The following ANKH variants were observed in gnomAD, a reference collection of about 807,000 sequenced individuals.
ANKH encodes mineralization regulator ANKH.
A neutral mutation model predicts 49.0 loss-of-function variants in ANKH; 15 were observed. The ratio of observed to expected loss-of-function variants is 0.31; its 90% CI spans 0.20 to 0.47. ANKH has a LOEUF of 0.47. ANKH is among the 20% of genes least tolerant of loss of function. The pLI is 1.00. For synonymous variants in ANKH, 273 were observed against 260.0 expected (o/e 1.05, Z -0.48); for missense variants, 429 against 652.0 (o/e 0.66, Z 3.72).
chr5:14,768,645 C>G (rs1161963053), intron 2 of ANKH: 8 of 390,552 alleles, frequency 2.0e-5, no homozygotes, highest in Non-Finnish European at 3.3e-5. Context: ...ATTTAATGAC[C>G]CAGTACAATG....
intron 1 of ANKH, among the ~76,000 whole-genome samples, chr5:14,839,771 T>G (rs551832724): frequency 6.6e-6 from 1 of 152,208 alleles, no homozygotes; most frequent in East Asian, 1.9e-4. Flanking sequence ...AATTTTGCAC[T>G]GTAAATAAGA....
Position 14,799,620 on chromosome 5 carries a change from C to T in ANKH, c.97-30429G>A, listed in dbSNP as rs113356880. 3.2e-4 allele frequency among the ~76,000 whole-genome samples: 48 copies of T among 152,300 alleles called. 1 individual carries two copies. Among genetic ancestry groups the T allele is most frequent in the African/African-American group, 1.1e-3 (46 of 41,578 alleles). On this transcript the variant is annotated intron_variant, in intron 1 of 11. Transcript: ENST00000284268. ...TGCTGAGTTTACTCTGCCTGTGTTACAGCAAAGCCCGGATGACAGCACATC... is the reference window on the plus strand; with the variant it reads ...TGCTGAGTTTACTCTGCCTGTGTTATAGCAAAGCCCGGATGACAGCACATC...
intron 1 of ANKH, among the ~76,000 whole-genome samples, chr5:14,845,371 T>A (rs111725511): frequency 0.032 from 1,460 of 45,978 alleles, 13 homozygotes; most frequent in African/African-American, 0.068. Context: ...TATATATTTT[T>A]TTTTTTACCT....
chr5:14,852,879 C>A (rs939178400), intron 1 of ANKH, among the ~76,000 whole-genome samples: 21 of 152,238 alleles, frequency 1.4e-4, no homozygotes, highest in African/African-American at 4.8e-4. Flanking sequence ...TGCAGAAGAT[C>A]TAGCCTCACC....
intron 1 of ANKH, among the ~76,000 whole-genome samples, chr5:14,781,042 G>A (rs1026856140): frequency 6.6e-6 from 1 of 152,222 alleles, no homozygotes; most frequent in African/African-American, 2.4e-5. Flanking sequence ...TGGAGAATCA[G>A]CAATTTCGGA....
intron 6 of ANKH, among the ~76,000 whole-genome samples, chr5:14,748,433 C>A (rs879903050): frequency 1.2e-4 from 18 of 152,206 alleles, no homozygotes; most frequent in Admixed American, 1.1e-3. Flanking sequence ...TCGTGGGCAG[C>A]CATGAGCCTT....
intron 1 of ANKH, among the ~76,000 whole-genome samples, chr5:14,787,432 TG>T (rs1420851970): frequency 6.6e-6 from 1 of 152,096 alleles, no homozygotes; most frequent in African/African-American, 2.4e-5. Context: ...CTAAAAAATG[TG>T]TGAGTATATT....
At chr5:14,746,787 A>G (rs1025828257) in intron 6 of ANKH, among the ~76,000 whole-genome samples, 1 of 152,224 alleles carries the variant, frequency 6.6e-6, no homozygotes, top group African/African-American at 2.4e-5. Flanking sequence ...AGATGGAGTC[A>G]GTTAAGTTAG....
intron 9 of ANKH, among the ~76,000 whole-genome samples, chr5:14,714,839 A>G (rs1361174436): frequency 1.3e-5 from 2 of 152,230 alleles, no homozygotes; most frequent in African/African-American, 4.8e-5. Flanking sequence ...GGTGAATCAC[A>G]TACTCAGCTA....
At chr5:14,845,360 A>G (rs1368277837) in intron 1 of ANKH, among the ~76,000 whole-genome samples, 1 of 114,486 alleles carries the variant, frequency 8.7e-6, no homozygotes, top group African/African-American at 2.7e-5. Flanking sequence ...ATATATATAT[A>G]TATATATTTT....
At chr5:14,821,993 T>G (rs1158255021) in intron 1 of ANKH, among the ~76,000 whole-genome samples, 1 of 152,210 alleles carries the variant, frequency 6.6e-6, no homozygotes, top group Non-Finnish European at 1.5e-5. Context: ...TCTGTCAACA[T>G]TTTCCTTTTC....
intron 1 of ANKH, among the ~76,000 whole-genome samples, chr5:14,796,611 C>G (rs1243122704): frequency 6.6e-6 from 1 of 151,860 alleles, no homozygotes; most frequent in African/African-American, 2.4e-5. Flanking sequence ...CTGAAGAAAC[C>G]AAGAGGAAAC....
chr5:14,770,819 C>A lies in ANKH; in HGVS notation c.97-1628G>T, dbSNP rs1739407715. On this transcript the variant is annotated intron_variant, in intron 1 of 11. Transcript: ENST00000284268. The surrounding 1 kb of genome is among the most constrained non-coding windows in gnomAD (Gnocchi z 4.1). ...GCTTACTCTTGGTATATTGTACATT[C>A]TGTGGATTCTGACAAATGCAGAATG... Among the ~76,000 whole-genome samples the A allele has an allele frequency of 1.3e-5, 2 of 152,170 alleles. No individual in the cohort carries two copies. Among genetic ancestry groups the A allele is most frequent in the African/African-American group, 4.8e-5 (2 of 41,436 alleles).
At chr5:14,715,022 C>A (rs1368495491) in intron 9 of ANKH, among the ~76,000 whole-genome samples, 1 of 152,246 alleles carries the variant, frequency 6.6e-6, no homozygotes, top group Non-Finnish European at 1.5e-5. Flanking sequence ...GTGCTGTGAT[C>A]TTCCAGCCAT....
At chr5:14,849,556 G>C (rs1005476581) in intron 1 of ANKH, among the ~76,000 whole-genome samples, 2 of 152,060 alleles carry the variant, frequency 1.3e-5, no homozygotes, top group African/African-American at 2.4e-5. Context: ...TTCTCTGTTC[G>C]GGTCTCATTG....
Position 14,716,756 on chromosome 5 carries a change from G to C in ANKH, c.1091C>G (p.Ala364Gly), listed in dbSNP as rs757332617. ...IDIIGVDFAF[A>G]ELCVVPLRIF... is the part of the protein sequence containing the mutation. ...CCGCAAAGGAACAACACAGAGTTCTGCAAAGGCAAAGTCCACTCCGATGAT... is the reference window on the plus strand; with the variant it reads ...CCGCAAAGGAACAACACAGAGTTCTCCAAAGGCAAAGTCCACTCCGATGAT... The change falls in exon 9 of 12, where the codon GCA becomes GGA. Residue 364 changes from alanine (A) to glycine (G), a missense_variant. By Grantham distance (60) the Ala-to-Gly change is moderately conservative. Coordinates refer to ENST00000284268, the MANE Select transcript of ANKH (RefSeq NM_054027.6). The C allele has an allele frequency of 2.5e-6, 4 of 1,614,158 alleles. No homozygotes were observed. The highest frequency in any genetic ancestry group is 3.4e-6 in the Non-Finnish European group (4 of 1,179,968).
At chr5:14,851,818 C>G (rs565711965) in intron 1 of ANKH, among the ~76,000 whole-genome samples, 1 of 152,298 alleles carries the variant, frequency 6.6e-6, no homozygotes, top group African/African-American at 2.4e-5. Context: ...TGCTGAGCTT[C>G]CTAGCAGCTT....
intron 9 of ANKH, among the ~76,000 whole-genome samples, chr5:14,714,045 G>T (rs1305301182): frequency 1.3e-5 from 2 of 152,276 alleles, no homozygotes; most frequent in Non-Finnish European, 2.9e-5. Context: ...GCACTCTAGT[G>T]TGATGCTGCG....
chr5:14,790,906 A>C (rs1380228566), intron 1 of ANKH, among the ~76,000 whole-genome samples: 1 of 152,194 alleles, frequency 6.6e-6, no homozygotes, highest in Non-Finnish European at 1.5e-5. Flanking sequence ...CACTATGCCC[A>C]GCCAAGATCC....
Sources: gnomAD v4.1 joint callset for allele counts (sites outside exome capture counted in the v4.1 genomes callset) on GRCh38, gnomAD v4.1.1 for gene constraint, Gnocchi (gnomAD v3.1) non-coding constraint, MANE v1.5 for transcripts, NCBI Gene and HGNC (gene_info 2026-07-23, HGNC 2026-07-21) for gene names.